The following MPPED2 variants were observed in gnomAD, a reference collection of about 807,000 sequenced individuals.
The protein encoded by MPPED2 is metallophosphoesterase domain containing 2.
MPPED2 carries 5 observed loss-of-function variants against 33.0 expected under a neutral mutation model. The ratio of observed to expected loss-of-function variants is 0.15; its 90% CI spans 0.08 to 0.32. MPPED2 has a LOEUF of 0.32. MPPED2 is among the 10% of genes least tolerant of loss of function. The probability of loss-of-function intolerance (pLI) is 1.00; values close to 1 mark genes in which losing one functional copy is unlikely to be tolerated. For missense variants in MPPED2, 275 were observed against 372.1 expected, an observed-to-expected ratio of 0.74 and a Z score of 2.15; for synonymous variants, 136 against 141.9, an observed-to-expected ratio of 0.96 and a Z score of 0.29.
At chr11:30,585,820 C>T (rs1044937723) in intron 1 of MPPED2, among the ~76,000 whole-genome samples, 2 of 152,200 alleles carry the variant, frequency 1.3e-5, no homozygotes, top group East Asian at 3.9e-4. Flanking sequence ...CCCCGAGCGC[C>T]GAATTGCCCG....
chr11:30,462,726 G>A (rs1402419598), intron 4 of MPPED2, among the ~76,000 whole-genome samples: 1 of 151,936 alleles, frequency 6.6e-6, no homozygotes, highest in South Asian at 2.1e-4. Flanking sequence ...CCATATAATC[G>A]ATTAAATAAA....
At chr11:30,458,364 A>C (rs10437628) in intron 4 of MPPED2, among the ~76,000 whole-genome samples, 34,530 of 152,150 alleles carry the variant, frequency 0.23, 6,238 homozygotes, top group African/African-American at 0.51. Context: ...TAATTGAACC[A>C]TGTATATAAT....
At chr11:30,582,928 T>G (rs1957233508) in intron 1 of MPPED2, among the ~76,000 whole-genome samples, 1 of 152,328 alleles carries the variant, frequency 6.6e-6, no homozygotes, top group Admixed American at 6.5e-5. Context: ...ATCGAAACAG[T>G]GCACCTGCAG....
chr11:30,437,817 G>A (rs1844388567), intron 4 of MPPED2, among the ~76,000 whole-genome samples: 1 of 151,950 alleles, frequency 6.6e-6, no homozygotes, highest in Non-Finnish European at 1.5e-5. Flanking sequence ...TGTGCCTCCA[G>A]AGCCAAGGAG....
intron 4 of MPPED2, among the ~76,000 whole-genome samples, chr11:30,454,976 T>G (rs1414727121): frequency 6.6e-6 from 1 of 152,210 alleles, no homozygotes; most frequent in South Asian, 2.1e-4. Flanking sequence ...GAAACTTAAA[T>G]GTACTCAACA....
chr11:30,563,372 G>A (rs1956312803), intron 2 of MPPED2, among the ~76,000 whole-genome samples: 1 of 152,156 alleles, frequency 6.6e-6, no homozygotes, highest in South Asian at 2.1e-4. Flanking sequence ...GTTTACAATA[G>A]GGTTTGGGCT....
downstream of MPPED2, among the ~76,000 whole-genome samples, chr11:30,409,327 T>A (rs1295609242): frequency 6.6e-6 from 1 of 152,164 alleles, no homozygotes; most frequent in African/African-American, 2.4e-5. Context: ...AAGGAAGTGT[T>A]GTCCACTTGT....
At chr11:30,436,313 A>G (rs991592727) in intron 4 of MPPED2, among the ~76,000 whole-genome samples, 2 of 93,848 alleles carry the variant, frequency 2.1e-5, no homozygotes, top group Non-Finnish European at 4.0e-5. Flanking sequence ...AATGTTTCTC[A>G]AACTTTAGAC....
intron 6 of MPPED2, among the ~76,000 whole-genome samples, chr11:30,413,670 G>A (rs1272639818): frequency 6.6e-6 from 1 of 152,188 alleles, no homozygotes; most frequent in Non-Finnish European, 1.5e-5. Flanking sequence ...ATAGTTTTCT[G>A]AGGTTAGTAA....
At chr11:30,393,250 C>T (rs1373177233) in intron 6 of MPPED2, among the ~76,000 whole-genome samples, 1 of 152,028 alleles carries the variant, frequency 6.6e-6, no homozygotes, top group African/African-American at 2.4e-5. Flanking sequence ...ACAACCCTAT[C>T]TCTGCTCTCA....
intron 3 of MPPED2, among the ~76,000 whole-genome samples, chr11:30,514,385 A>G (rs1264550081): frequency 1.3e-5 from 2 of 152,224 alleles, no homozygotes; most frequent in Admixed American, 6.5e-5. Context: ...GAACTTCGGC[A>G]GCAGTCATTC....
At chr11:30,388,783 C>T (rs1590146112) in exon 7 of MPPED2, 13 of 1,333,680 alleles carry the variant, frequency 9.7e-6, no homozygotes, top group Non-Finnish European at 1.2e-5. Context: ...ATCTTCCTTC[C>T]TTCCTGTGTG....
chr11:30,490,654 T>C (rs1426183858), intron 4 of MPPED2, among the ~76,000 whole-genome samples: 2 of 152,100 alleles, frequency 1.3e-5, no homozygotes, highest in East Asian at 3.9e-4. Context: ...TAGTAAGTAC[T>C]ACAGAACATT....
intron 2 of MPPED2, among the ~76,000 whole-genome samples, chr11:30,547,095 C>T (rs12276621): frequency 0.23 from 34,766 of 152,084 alleles, 4,278 homozygotes; most frequent in East Asian, 0.41. Context: ...AAGTTGTAGA[C>T]ATGATGGGTT....
chr11:30,549,045 T>C (rs1440666901), intron 2 of MPPED2, among the ~76,000 whole-genome samples: 2 of 151,926 alleles, frequency 1.3e-5, no homozygotes, highest in African/African-American at 2.4e-5. Context: ...TATTCTAAAC[T>C]TTATAAGCAA....
chr11:30,444,856 C>T (rs946607380), intron 4 of MPPED2, among the ~76,000 whole-genome samples: 1 of 152,142 alleles, frequency 6.6e-6, no homozygotes, highest in Non-Finnish European at 1.5e-5. Flanking sequence ...ATGGAACCAG[C>T]CCCTGCACTA....
At chr11:30,576,541 G>T (rs1956938715) in intron 2 of MPPED2, among the ~76,000 whole-genome samples, 1 of 152,058 alleles carries the variant, frequency 6.6e-6, no homozygotes, top group South Asian at 2.1e-4. Context: ...GAAATGGCTG[G>T]ATACCCTACT....
At chr11:30,463,761 C>T (rs1261400673) in intron 4 of MPPED2, among the ~76,000 whole-genome samples, 1 of 152,088 alleles carries the variant, frequency 6.6e-6, no homozygotes, top group African/African-American at 2.4e-5. Flanking sequence ...TGCATTTGTA[C>T]AAGATTGTTT....
At chr11:30,577,938 G>C (rs1488804482) in intron 2 of MPPED2, among the ~76,000 whole-genome samples, 1 of 152,154 alleles carries the variant, frequency 6.6e-6, no homozygotes, top group African/African-American at 2.4e-5. Flanking sequence ...AGAAGAACAA[G>C]CCTTTCTTTA....
Sources: allele counts gnomAD v4.1 joint callset (sites outside exome capture counted in the v4.1 genomes callset), GRCh38; gene constraint gnomAD v4.1.1; transcripts MANE v1.5; gene names NCBI Gene and HGNC (gene_info 2026-07-23, HGNC 2026-07-21).